Variants in BNC2 observed in about 807,000 individuals in gnomAD.
BNC2 encodes the protein basonuclin zinc finger protein 2, also known as zinc finger protein basonuclin-2.
BNC2 carries 20 observed loss-of-function variants against 76.3 expected under a neutral mutation model. That is an observed-to-expected ratio of 0.26 (90% CI 0.18 to 0.38). The LOEUF is 0.38. Ranked by LOEUF, BNC2 falls within the 10% of genes least tolerant of loss-of-function variation. BNC2 has a pLI of 1.00. For missense variants in BNC2, 1,382 were observed against 1,399.8 expected, an observed-to-expected ratio of 0.99 and a Z score of 0.20; for synonymous variants, 582 against 514.8, an observed-to-expected ratio of 1.13 and a Z score of -1.77.
At chr9:16,768,018 T>A (rs1302908971) in intron 1 of BNC2, among the ~76,000 whole-genome samples, 2 of 149,094 alleles carry the variant, frequency 1.3e-5, no homozygotes, top group East Asian at 4.0e-4. Flanking sequence ...CAGGCTGGAG[T>A]GAAGTGGCAC....
intron 4 of BNC2, among the ~76,000 whole-genome samples, chr9:16,581,198 T>A (rs1421152958): frequency 6.6e-6 from 1 of 152,190 alleles, no homozygotes. Flanking sequence ...TAAGTTAAAA[T>A]GAGGCCCTTA....
Position 16,713,302 on chromosome 9 carries a change from A to G in BNC2, c.330+14495T>C, listed in dbSNP as rs141760858. Among the ~76,000 whole-genome samples the G allele has an allele frequency of 1.4e-4, 22 of 152,282 alleles. No homozygotes were observed. In the East Asian group the frequency reaches 3.9e-3, roughly 27 times the overall value. ...ACAAATTGTGACCAATACTACTTTT[A>G]TTTGGAGGTAGTTTCCAACCATCAC... On this transcript the variant is annotated intron_variant, in intron 3 of 6. Transcript: ENST00000380672.
rs1239328244 is a variant in BNC2 at position 16,417,368 on chromosome 9, A to G, written c.*1621T>C. Reference sequence around the variant, plus strand: ...GTCTCTCTCCTCTTTCTCACTCTCAATTGCTTGGTTTCAGGCTTGCTTTCA... The same window carrying G: ...GTCTCTCTCCTCTTTCTCACTCTCAGTTGCTTGGTTTCAGGCTTGCTTTCA... On this transcript the variant is annotated 3_prime_UTR_variant, in exon 7 of 7. Coordinates refer to ENST00000380672, the MANE Select transcript of BNC2 (RefSeq NM_017637.6). 5 of 152,444 alleles carry G rather than the reference A, an allele frequency of 3.3e-5. No individual in the cohort carries two copies. Among genetic ancestry groups the G allele is most frequent in the South Asian group, 2.1e-4 (1 of 4,834 alleles). 9.4% of individuals were successfully genotyped at this position (152,444 alleles called of 1,614,324 possible).
chr9:16,535,906 C>T (rs1368423613), intron 5 of BNC2, among the ~76,000 whole-genome samples: 1 of 152,122 alleles, frequency 6.6e-6, no homozygotes, highest in African/African-American at 2.4e-5. Context: ...TGCAGGTGAA[C>T]AAGCCCAAAT....
intron 5 of BNC2, among the ~76,000 whole-genome samples, chr9:16,518,236 T>C (rs1005138934): frequency 5.9e-5 from 9 of 152,140 alleles, no homozygotes; most frequent in African/African-American, 2.2e-4. Flanking sequence ...AAGACCAGCC[T>C]GGGCAACATA....
intron 5 of BNC2, among the ~76,000 whole-genome samples, chr9:16,462,246 C>T (rs1446912997): frequency 1.3e-5 from 2 of 152,012 alleles, no homozygotes; most frequent in Non-Finnish European, 2.9e-5. Flanking sequence ...TTATTAAAGC[C>T]AGTTAGAACA....
At chr9:16,694,196 AGGGT>A (rs1823267315) in intron 3 of BNC2, among the ~76,000 whole-genome samples, 1 of 152,188 alleles carries the variant, frequency 6.6e-6, no homozygotes, top group Non-Finnish European at 1.5e-5. Context: ...AAAGGGAAAA[AGGGT>A]GATTGAAAAA....
At chr9:16,500,953 T>G (rs1324070099) in intron 5 of BNC2, among the ~76,000 whole-genome samples, 1 of 152,192 alleles carries the variant, frequency 6.6e-6, no homozygotes, top group Non-Finnish European at 1.5e-5. Context: ...TATCCTGGTA[T>G]AAATCATACT....
chr9:16,437,120 T>G lies in BNC2; in HGVS notation c.1074A>C (p.Ser358=). ...PGLRLREPSL[S]TQNEYNESSE... ...TGCTCTCATTATATTCATTCTGAGT[T>G]GAAAGGCTGGGTTCCCGCAGCCTCA... The change falls in exon 6 of 7, where the codon TCA becomes TCC. Residue 358 remains serine, a synonymous_variant. Coordinates refer to ENST00000380672, the MANE Select transcript of BNC2 (RefSeq NM_017637.6). 6.2e-7 allele frequency: 1 copy of G among 1,614,182 alleles called. No individual in the cohort carries two copies. The highest frequency in any genetic ancestry group is 8.5e-7 in the Non-Finnish European group (1 of 1,180,022).
intron 3 of BNC2, among the ~76,000 whole-genome samples, chr9:16,659,916 G>C (rs1430793099): frequency 6.6e-6 from 1 of 152,060 alleles, no homozygotes; most frequent in Non-Finnish European, 1.5e-5. Context: ...ATCTCCAAGG[G>C]GAAAGGACTT....
At chr9:16,491,734 A>T (rs1201933814) in intron 5 of BNC2, among the ~76,000 whole-genome samples, 1 of 152,200 alleles carries the variant, frequency 6.6e-6, no homozygotes, top group Non-Finnish European at 1.5e-5. Flanking sequence ...GGGGTGGATT[A>T]CCAGTCTCTA....
At chr9:16,433,478 G>A (rs1338085939) in intron 6 of BNC2, among the ~76,000 whole-genome samples, 5 of 151,950 alleles carry the variant, frequency 3.3e-5, no homozygotes, top group East Asian at 1.9e-4. Context: ...GAATATCCTC[G>A]TCATCCTAGA....
intron 5 of BNC2, among the ~76,000 whole-genome samples, chr9:16,463,982 G>C (rs1407833192): frequency 6.6e-6 from 1 of 150,690 alleles, no homozygotes; most frequent in East Asian, 2.0e-4. Flanking sequence ...TGTAATCCCA[G>C]CTACTTGAGG....
At chr9:16,845,638 G>A (rs184811414) in intron 1 of BNC2, among the ~76,000 whole-genome samples, 7 of 152,214 alleles carry the variant, frequency 4.6e-5, no homozygotes, top group African/African-American at 4.8e-5. Context: ...GGAGAATGGC[G>A]TGAACTTGAG....
At chr9:16,846,698 T>G (rs1818990742) in intron 1 of BNC2, among the ~76,000 whole-genome samples, 1 of 152,206 alleles carries the variant, frequency 6.6e-6, no homozygotes, top group Non-Finnish European at 1.5e-5. Flanking sequence ...ATTTCTAAGT[T>G]TGTGAAAATT....
intron 1 of BNC2, among the ~76,000 whole-genome samples, chr9:16,810,383 A>T (rs2135838381): frequency 6.6e-6 from 1 of 152,340 alleles, no homozygotes; most frequent in Non-Finnish European, 1.5e-5. Flanking sequence ...TCGTGAAAAG[A>T]CCAGTCCTCA....
chr9:16,831,071 G>C (rs145818759), intron 1 of BNC2, among the ~76,000 whole-genome samples: 2 of 152,278 alleles, frequency 1.3e-5, no homozygotes, highest in African/African-American at 4.8e-5. Context: ...TGACAAGTTA[G>C]ACAACCTAAA....
rs147583886 is a variant in BNC2 at position 16,746,108 on chromosome 9, A to G, written c.4-7623T>C. On this transcript the variant is annotated intron_variant, in intron 1 of 6. Coordinates refer to ENST00000380672, the MANE Select transcript of BNC2 (RefSeq NM_017637.6). ...AGGCAAAGTCAAAGAATAAACTGGT[A>G]GCAAAGCCTGGACCATTTTTCACGA... is the stretch of plus-strand genomic sequence containing the variant. Among the ~76,000 whole-genome samples the G allele has an allele frequency of 5.1e-4, 77 of 152,324 alleles. No homozygotes were observed. The East Asian group carries it at 0.011, about 22-fold the overall frequency.
In BNC2 at chr9:16,588,018, C is replaced by T. The variant is rs1236269714; in HGVS notation, c.331-4933G>A. Among the ~76,000 whole-genome samples, 2 of 152,108 alleles carry T rather than the reference C, an allele frequency of 1.3e-5. 1 individual carries two copies. Among genetic ancestry groups the T allele is most frequent in the Non-Finnish European group, 2.9e-5 (2 of 68,030 alleles). The stretch of plus-strand genomic sequence containing the variant: ...TTAAGTTCCATGAGGGCAGGATAGA[C>T]ATGTCTGTTGGGCTTTCAATGTATA... On this transcript the variant is annotated intron_variant, in intron 3 of 6. Transcript: ENST00000380672.
Sources: allele counts gnomAD v4.1 joint callset (sites outside exome capture counted in the v4.1 genomes callset), GRCh38; gene constraint gnomAD v4.1.1; transcripts MANE v1.5; gene names NCBI Gene and HGNC (gene_info 2026-07-23, HGNC 2026-07-21).